The following BST1 variants were observed in gnomAD, a reference collection of about 807,000 sequenced individuals.
The protein encoded by BST1 is ADP-ribosyl cyclase/cyclic ADP-ribose hydrolase 2.
In BST1, 49 loss-of-function variants were observed where a neutral mutation model predicts 40.6. That is an observed-to-expected ratio of 1.21 (90% CI 0.96 to 1.53). The LOEUF (loss-of-function observed/expected upper bound fraction) is 1.53. BST1 is among the 40% of genes most tolerant of loss of function. The pLI is 0.00. For synonymous variants in BST1, 157 were observed against 159.3 expected, an observed-to-expected ratio of 0.99 and a Z score of 0.11; for missense variants, 423 against 395.9, an observed-to-expected ratio of 1.07 and a Z score of -0.58.
chr4:15,725,593 T>A (rs1178822147), intron 8 of BST1, among the ~76,000 whole-genome samples: 3 of 152,164 alleles, frequency 2.0e-5, no homozygotes, highest in Non-Finnish European at 2.9e-5. Context: ...TCTTCCAGGT[T>A]CATCATACTC....
chr4:15,751,951 T>G, the BST1 span, among the ~76,000 whole-genome samples: 2 of 152,208 alleles, frequency 1.3e-5, no homozygotes, highest in African/African-American at 4.8e-5. Context: ...GTGGCTCGTA[T>G]AAGACTAGAA....
At chr4:15,751,564 T>C in the BST1 span, among the ~76,000 whole-genome samples, 1 of 152,082 alleles carries the variant, frequency 6.6e-6, no homozygotes, top group East Asian at 1.9e-4. Context: ...TCTAGATATA[T>C]ACATTATAGT....
At chr4:15,737,694 C>A (rs1577604545), downstream of BST1, 2 of 893,112 alleles carry the variant, frequency 2.2e-6, no homozygotes, top group Admixed American at 2.4e-5. Flanking sequence ...GTTCTCTTTC[C>A]TCTCCTGTCG....
intron 8 of BST1, among the ~76,000 whole-genome samples, chr4:15,725,296 C>A (rs1192558246): frequency 6.6e-6 from 1 of 152,194 alleles, no homozygotes; most frequent in Non-Finnish European, 1.5e-5. Flanking sequence ...ATGTCTTGCT[C>A]TTTGGGCTGG....
the BST1 span, among the ~76,000 whole-genome samples, chr4:15,761,277 C>T: frequency 6.6e-6 from 1 of 151,868 alleles, no homozygotes; most frequent in Non-Finnish European, 1.5e-5. Flanking sequence ...TTGGCAATTG[C>T]TGTTTGTTAA....
rs1232682837 is a variant in BST1 at position 15,705,057 on chromosome 4, T to C, written c.189-458T>C. On this transcript the variant is annotated intron_variant, in intron 1 of 8. Coordinates refer to ENST00000265016, the MANE Select transcript of BST1 (RefSeq NM_004334.3). ...GGCTTGCACTGGAGGGTGCACCTGC[T>C]TTGCCAGAGGTGGAAGCCTTTTGCA... 3 of 708,490 alleles carry C rather than the reference T, an allele frequency of 4.2e-6. No individual in the cohort carries two copies. In the East Asian group the frequency reaches 8.0e-5, roughly 19 times the overall value. 43.9% of individuals were successfully genotyped at this position (708,490 alleles called of 1,614,324 possible). A position where few individuals can be genotyped will look rare whatever the true frequency, so the allele number is the denominator to read the frequency against.
chr4:15,740,942 G>A (rs539685571), downstream of BST1, among the ~76,000 whole-genome samples: 5 of 151,948 alleles, frequency 3.3e-5, no homozygotes, highest in South Asian at 2.1e-4. Context: ...TCCGTGGTTC[G>A]TGAGGGGTCC....
chr4:15,768,253 A>T, the BST1 span, among the ~76,000 whole-genome samples: 1 of 152,214 alleles, frequency 6.6e-6, no homozygotes, highest in East Asian at 1.9e-4. Flanking sequence ...GAAGTGAAAT[A>T]AAAATGGCAG....
the BST1 span, among the ~76,000 whole-genome samples, chr4:15,752,451 C>A: frequency 6.6e-6 from 1 of 151,490 alleles, no homozygotes; most frequent in Admixed American, 6.6e-5. Context: ...TGCAATGGCG[C>A]AATCTCGGCT....
intron 4 of BST1, among the ~76,000 whole-genome samples, chr4:15,714,552 C>T (rs80271912): frequency 6.6e-6 from 1 of 152,144 alleles, no homozygotes; most frequent in Non-Finnish European, 1.5e-5. Flanking sequence ...AGATTTCAGA[C>T]CCTTAAGTAT....
At chr4:15,752,545 T>C in the BST1 span, among the ~76,000 whole-genome samples, 1 of 151,978 alleles carries the variant, frequency 6.6e-6, no homozygotes, top group South Asian at 2.1e-4. Flanking sequence ...TGTGCCACCA[T>C]GCAGAGCTAA....
At chr4:15,713,227 T>TTTTTA (rs397992366) in intron 4 of BST1, among the ~76,000 whole-genome samples, 1 of 145,610 alleles carries the variant, frequency 6.9e-6, no homozygotes. Flanking sequence ...TTTTTTTTTT[T>TTTTTA]GAGACGGAGT....
At chr4:15,721,794 T>G (rs1051598116) in intron 7 of BST1, among the ~76,000 whole-genome samples, 2 of 152,050 alleles carry the variant, frequency 1.3e-5, no homozygotes, top group African/African-American at 4.8e-5. Context: ...ACCCTAGAAC[T>G]TGAAGTATAA....
At chr4:15,705,467 A>G (rs1409833174) in intron 1 of BST1, 48 bp from the exon 2 acceptor site, 2 of 1,527,246 alleles carry the variant, frequency 1.3e-6, no homozygotes, top group East Asian at 2.3e-5. Flanking sequence ...TTCACAACAC[A>G]TTATGATGTG....
At chr4:15,705,060 G>T (rs1719801595) in intron 1 of BST1, 2 of 707,444 alleles carry the variant, frequency 2.8e-6, no homozygotes, top group South Asian at 3.0e-5. Flanking sequence ...CACCTGCTTT[G>T]CCAGAGGTGG....
chr4:15,711,798 A>T lies in BST1; in HGVS notation c.452-9A>T, dbSNP rs765530564. Reference sequence around the variant, plus strand: ...TGGAATAAAATGTGTTTGTCTACTTACCCCTTAGGACTCGATTACCAATCC... The same window carrying T: ...TGGAATAAAATGTGTTTGTCTACTTTCCCCTTAGGACTCGATTACCAATCC... On this transcript the variant is annotated splice_polypyrimidine_tract_variant and intron_variant, in intron 3 of 8. Coordinates refer to ENST00000265016, the MANE Select transcript of BST1 (RefSeq NM_004334.3). 1.2e-6 allele frequency: 2 copies of T among 1,603,616 alleles called. No individual in the cohort carries two copies. The highest frequency in any genetic ancestry group is 1.7e-6 in the Non-Finnish European group (2 of 1,170,602).
chr4:15,758,628 A>G, the BST1 span, among the ~76,000 whole-genome samples: 2 of 152,216 alleles, frequency 1.3e-5, no homozygotes, highest in Non-Finnish European at 2.9e-5. Flanking sequence ...TCACCACACT[A>G]TGCAATAGAT....
At chr4:15,724,958 A>G (rs1041850663) in intron 8 of BST1, among the ~76,000 whole-genome samples, 13 of 152,160 alleles carry the variant, frequency 8.5e-5, no homozygotes, top group African/African-American at 2.9e-4. Flanking sequence ...ATATGGGCCC[A>G]CAAGATGTGG....
chr4:15,765,556 T>C, the BST1 span, among the ~76,000 whole-genome samples: 15 of 151,920 alleles, frequency 9.9e-5, no homozygotes, highest in Non-Finnish European at 1.2e-4. Flanking sequence ...AAACACACAA[T>C]TAAATCTCTA....
Sources: gnomAD v4.1 joint callset for allele counts (sites outside exome capture counted in the v4.1 genomes callset) on GRCh38, gnomAD v4.1.1 for gene constraint, MANE v1.5 for transcripts, NCBI Gene and HGNC (gene_info 2026-07-23, HGNC 2026-07-21) for gene names.